SERINC5: variants seen among roughly 807,000 people sequenced by gnomAD.
SERINC5 encodes the protein chromosome 5 open reading frame 12.
In SERINC5, 41 loss-of-function variants were observed where a neutral mutation model predicts 63.1. The observed-to-expected ratio is 0.65, with a 90% confidence interval of 0.51 to 0.84. The LOEUF is 0.84. SERINC5 is among the 40% of genes least tolerant of loss of function. SERINC5 has a pLI of 0.00. For synonymous variants in SERINC5, 222 were observed against 215.2 expected (o/e 1.03, Z -0.28); for missense variants, 523 against 573.0 (o/e 0.91, Z 0.89).
At chr5:80,133,190 C>T (rs1290432043) in intron 11 of SERINC5, among the ~76,000 whole-genome samples, 1 of 152,058 alleles carries the variant, frequency 6.6e-6, no homozygotes, top group Non-Finnish European at 1.5e-5. Flanking sequence ...CTCCAGAAGC[C>T]GAGCAGATGC....
intron 11 of SERINC5, among the ~76,000 whole-genome samples, chr5:80,121,401 C>T (rs1744538496): frequency 6.6e-6 from 1 of 152,004 alleles, no homozygotes; most frequent in East Asian, 1.9e-4. Flanking sequence ...GGATGACCTC[C>T]CTGAGATTGC....
intron 2 of SERINC5, chr5:80,198,434 G>T: frequency 1.4e-6 from 1 of 727,978 alleles, no homozygotes; most frequent in Non-Finnish European, 1.7e-6. Flanking sequence ...GCCACATTCT[G>T]CAACCAAGGC....
At chr5:80,253,905 C>T (rs881709) in intron 1 of SERINC5, among the ~76,000 whole-genome samples, 52,170 of 152,006 alleles carry the variant, frequency 0.34, 9,275 homozygotes, top group East Asian at 0.56. Flanking sequence ...TAACTTCTGA[C>T]GGTGCTGTGA....
intron 11 of SERINC5, among the ~76,000 whole-genome samples, chr5:80,125,890 G>A (rs958328925): frequency 5.5e-4 from 84 of 152,156 alleles, no homozygotes; most frequent in South Asian, 2.1e-4. Flanking sequence ...AAGCAAGATC[G>A]AGAGAGAAAT....
chr5:80,218,601 G>C (rs1380790139), intron 1 of SERINC5, among the ~76,000 whole-genome samples: 2 of 151,816 alleles, frequency 1.3e-5, no homozygotes, highest in Admixed American at 6.6e-5. Flanking sequence ...CTTGAACCAG[G>C]GAGTCGGAGG....
intron 1 of SERINC5, among the ~76,000 whole-genome samples, chr5:80,214,861 C>T (rs1332207886): frequency 6.6e-6 from 1 of 152,170 alleles, no homozygotes; most frequent in Non-Finnish European, 1.5e-5. Context: ...CATGCCATTG[C>T]ACTCCAGCCT....
intron 2 of SERINC5, among the ~76,000 whole-genome samples, chr5:80,201,509 T>C (rs775756156): frequency 2.6e-5 from 4 of 152,218 alleles, no homozygotes; most frequent in African/African-American, 4.8e-5. Flanking sequence ...TCCCTGAAGA[T>C]ATGAACCACA....
intron 1 of SERINC5, among the ~76,000 whole-genome samples, chr5:80,213,002 C>G (rs1204521978): frequency 6.6e-6 from 1 of 151,996 alleles, no homozygotes. Context: ...CCCAGCACTT[C>G]GGGAGGCTGA....
intron 4 of SERINC5, 54 bp downstream of exon 4, chr5:80,177,261 T>C (rs1580117904): frequency 7.5e-7 from 1 of 1,330,254 alleles, no homozygotes; most frequent in Non-Finnish European, 1.1e-6. Flanking sequence ...CTGAGCAATT[T>C]GACAAAATGG....
At position 80,176,225 on chromosome 5, in the gene SERINC5, A is replaced by G. The variant is rs1227664644; in HGVS notation, c.457+1090T>C. 3.3e-5 allele frequency among the ~76,000 whole-genome samples: 5 copies of G among 152,304 alleles called. No individual in the cohort carries two copies. The East Asian group carries it at 9.6e-4, about 29-fold the overall frequency. On this transcript the variant is annotated intron_variant, in intron 4 of 11. Coordinates refer to ENST00000507668, the MANE Select transcript of SERINC5 (RefSeq NM_001174072.3). ...GACTGAGCTGGACCAGAGGGTTTCT[A>G]GGTCTCTTCTCCCTCCAAATATACA...
At chr5:80,137,642 C>CAAAAAA (rs57807742), downstream of SERINC5, among the ~76,000 whole-genome samples, 3 of 104,776 alleles carry the variant, frequency 2.9e-5, no homozygotes, top group Non-Finnish European at 3.9e-5. Flanking sequence ...GACTCTAACT[C>CAAAAAA]AAAAAAAAAA....
At chr5:80,173,995 G>C (rs1747851778) in intron 5 of SERINC5, among the ~76,000 whole-genome samples, 1 of 152,030 alleles carries the variant, frequency 6.6e-6, no homozygotes, top group African/African-American at 2.4e-5. Context: ...GAACACACCA[G>C]TTAGTCCAAA....
chr5:80,169,663 C>T, intron 5 of SERINC5, 117 bp from the exon 6 acceptor site: 1 of 710,824 alleles, frequency 1.4e-6, no homozygotes, highest in Non-Finnish European at 2.4e-6. Flanking sequence ...AGGCCACAGG[C>T]ACTGGTACCC....
Position 80,138,859 on chromosome 5 carries a change from A to G in SERINC5, c.*4804T>C, listed in dbSNP as rs1745337611. 2.0e-6 allele frequency: 2 copies of G among 976,750 alleles called. No homozygotes were observed. The highest frequency in any genetic ancestry group is 2.4e-6 in the Non-Finnish European group (2 of 822,134). The allele number at this position is 976,750 out of a possible 1,614,324, so 60.5% of individuals were successfully genotyped here. A position where few individuals can be genotyped will look rare whatever the true frequency, so the allele number is the denominator to read the frequency against. On this transcript the variant is annotated 3_prime_UTR_variant, in exon 12 of 12. Transcript: ENST00000507668. Reference sequence around the variant, plus strand: ...CAACTAACTTGAGTACTTTAATTATATATGTATCTAGCAGAAGAGAAAAAA... The same window carrying G: ...CAACTAACTTGAGTACTTTAATTATGTATGTATCTAGCAGAAGAGAAAAAA...
At chr5:80,255,738 C>T (rs1299047583) in intron 1 of SERINC5, among the ~76,000 whole-genome samples, 158 bp downstream of exon 1, 5 of 151,798 alleles carry the variant, frequency 3.3e-5, no homozygotes, top group African/African-American at 1.2e-4. Context: ...ACAGGATTTC[C>T]CGGACGGCTG....
intron 2 of SERINC5, among the ~76,000 whole-genome samples, chr5:80,187,603 G>GA (rs1211798942): frequency 6.6e-6 from 1 of 152,184 alleles, no homozygotes; most frequent in Non-Finnish European, 1.5e-5. Flanking sequence ...CCCTTTGGGG[G>GA]ATCTGGGGCT....
intron 8 of SERINC5, among the ~76,000 whole-genome samples, chr5:80,155,065 T>C (rs893277382): frequency 5.9e-5 from 9 of 152,216 alleles, no homozygotes; most frequent in Middle Eastern, 3.2e-3. Flanking sequence ...ATAGGCTCCA[T>C]GCTTCCTTAC....
At chr5:80,237,204 T>C (rs978597605) in intron 1 of SERINC5, among the ~76,000 whole-genome samples, 3 of 152,206 alleles carry the variant, frequency 2.0e-5, no homozygotes, top group Non-Finnish European at 4.4e-5. Context: ...GCAGGGGCAG[T>C]GTTTTCACAA....
intron 7 of SERINC5, among the ~76,000 whole-genome samples, chr5:80,160,616 G>C (rs1746821235): frequency 6.6e-6 from 1 of 152,100 alleles, no homozygotes; most frequent in East Asian, 1.9e-4. Flanking sequence ...ACATGTAGTG[G>C]TGAAGTCTTG....
Sources: allele counts gnomAD v4.1 joint callset (sites outside exome capture counted in the v4.1 genomes callset), GRCh38; gene constraint gnomAD v4.1.1; transcripts MANE v1.5; gene names NCBI Gene and HGNC (gene_info 2026-07-23, HGNC 2026-07-21).